Variants in HOGA1 observed in about 807,000 individuals in gnomAD.
HOGA1 encodes 4-hydroxy-2-oxoglutarate aldolase, mitochondrial.
A neutral mutation model predicts 34.3 loss-of-function variants in HOGA1; 30 were observed. That is an observed-to-expected ratio of 0.87 (90% CI 0.65 to 1.19). The LOEUF is 1.19. Among genes scored for constraint, HOGA1 ranks in the 50% most tolerant of loss-of-function variants. The pLI is 0.00. For missense variants in HOGA1, 417 were observed against 436.5 expected (o/e 0.96, Z 0.40); for synonymous variants, 161 against 174.0 (o/e 0.93, Z 0.59).
At chr10:97,592,829 G>A (rs1034263235) in intron 1 of HOGA1, among the ~76,000 whole-genome samples, 2 of 151,728 alleles carry the variant, frequency 1.3e-5, no homozygotes, top group Non-Finnish European at 2.9e-5. Flanking sequence ...AGGAGTTTGT[G>A]AGACCAGCCT....
At chr10:97,593,487 T>C (rs1247125885) in intron 1 of HOGA1, among the ~76,000 whole-genome samples, 9 of 150,956 alleles carry the variant, frequency 6.0e-5, no homozygotes, top group Non-Finnish European at 4.4e-5. Flanking sequence ...AAAAAAAACA[T>C]AAAAAAGAAA....
intron 3 of HOGA1, 49 bp downstream of exon 3, chr10:97,599,265 G>A: frequency 1.2e-6 from 2 of 1,610,570 alleles, no homozygotes; most frequent in South Asian, 1.1e-5. Context: ...AGGGAGAGGA[G>A]ATAAGGGAAG....
rs538571413 is a variant in HOGA1, at chr10:97,590,628, G to A, written c.211+5714G>A. 17 of 1,542,592 alleles carry A rather than the reference G, an allele frequency of 1.1e-5. No homozygotes were observed. The East Asian group carries it at 2.0e-4, about 18-fold the overall frequency. On this transcript the variant is annotated intron_variant, in intron 1 of 6. Transcript: ENST00000370646. ...ATGGAGACGCCCCTGCCCCCAGCAAGGCTGGCTCACACACACGTCTGTTTT... is the reference window on the plus strand; with the variant it reads ...ATGGAGACGCCCCTGCCCCCAGCAAAGCTGGCTCACACACACGTCTGTTTT...
chr10:97,593,479 A>G (rs2041044850), intron 1 of HOGA1, among the ~76,000 whole-genome samples: 1 of 152,194 alleles, frequency 6.6e-6, no homozygotes, highest in African/African-American at 2.4e-5. Context: ...TCTGTCTCAA[A>G]AAAAACATAA....
chr10:97,590,162 C>G, intron 1 of HOGA1: 1 of 1,614,120 alleles, frequency 6.2e-7, no homozygotes, highest in Non-Finnish European at 8.5e-7. Flanking sequence ...GGGCTCCGCT[C>G]TGCACCGGGA....
In HOGA1 at chr10:97,590,735, A is replaced by T. The variant is rs958292488; in HGVS notation, c.211+5821A>T. 5.4e-5 allele frequency: 36 copies of T among 671,002 alleles called. 1 individual carries two copies. The Admixed American group carries it at 8.8e-4, about 16-fold the overall frequency. 41.6% of individuals were successfully genotyped at this position (671,002 alleles called of 1,614,324 possible). ...CTTTCTTAGGCTCCTCACGGGGATT[A>T]TGGGCTCTTTAAACTCCATGAGTGG... On this transcript the variant is annotated intron_variant, in intron 1 of 6. Coordinates refer to ENST00000370646, the MANE Select transcript of HOGA1 (RefSeq NM_138413.4).
intron 6 of HOGA1, among the ~76,000 whole-genome samples, chr10:97,607,936 T>C (rs954375107): frequency 1.3e-5 from 2 of 152,216 alleles, no homozygotes; most frequent in Non-Finnish European, 2.9e-5. Flanking sequence ...TTTATTATAA[T>C]TTTATTTTCC....
At chr10:97,600,275 G>A in intron 5 of HOGA1, 112 bp downstream of exon 5, 1 of 893,404 alleles carries the variant, frequency 1.1e-6, no homozygotes, top group Non-Finnish European at 1.9e-6. Context: ...ATGGTAGTTT[G>A]CCAGCCTGCC....
Position 97,611,736 on chromosome 10 carries a change from CA to C in HOGA1, c.*78del, listed in dbSNP as rs2041197934. 1 of 1,520,558 alleles carries C rather than the reference CA, an allele frequency of 6.6e-7. No individual in the cohort carries two copies. Among genetic ancestry groups the C allele is most frequent in the African/African-American group, 1.4e-5 (1 of 73,478 alleles). 94.2% of individuals were successfully genotyped at this position (1,520,558 alleles called of 1,614,324 possible). A position where few individuals can be genotyped will look rare whatever the true frequency, so the allele number is the denominator to read the frequency against. ...CACTTGCAGCCTGAAGCGGAGAGCA[CA>C]GGGGGATGAGGGTGGCAGGCAGCGG... On this transcript the variant is annotated 3_prime_UTR_variant, in exon 7 of 7. Transcript: ENST00000370646.
chr10:97,611,559 T>C lies in HOGA1; in HGVS notation c.884T>C (p.Phe295Ser), dbSNP rs772774341. The C allele has an allele frequency of 6.2e-7, 1 of 1,614,242 alleles. No individual in the cohort carries two copies. The highest frequency in any genetic ancestry group is 8.5e-7 in the Non-Finnish European group (1 of 1,180,026). The change falls in exon 7 of 7, where the codon TTT (phenylalanine) becomes TCT (serine). Residue 295 changes from phenylalanine (F) to serine (S), a missense_variant. Physicochemically the swap from Phe to Ser is radical, Grantham distance 155. Transcript: ENST00000370646. The part of the protein sequence containing the change: ...IPGLKKIMDW[F>S]GYYGGPCRAP... ...GGGCTGAAGAAAATCATGGACTGGTTTGGCTACTATGGAGGCCCCTGCCGC... is the reference window on the plus strand; with the variant it reads ...GGGCTGAAGAAAATCATGGACTGGTCTGGCTACTATGGAGGCCCCTGCCGC...
At chr10:97,590,756 A>G in intron 1 of HOGA1, 1 of 632,936 alleles carries the variant, frequency 1.6e-6, no homozygotes, top group East Asian at 2.8e-5. Context: ...AAACTCCATG[A>G]GTGGGGTCTG....
chr10:97,595,646 G>T (rs889002289), intron 1 of HOGA1, among the ~76,000 whole-genome samples: 1 of 152,210 alleles, frequency 6.6e-6, no homozygotes, highest in Admixed American at 6.5e-5. Context: ...AGTGAGCCGA[G>T]GTCGCACCAC....
chr10:97,590,722 C>T (rs2041015151), intron 1 of HOGA1: 6 of 706,070 alleles, frequency 8.5e-6, no homozygotes, highest in Non-Finnish European at 9.6e-6. Context: ...TTCTTAGGCT[C>T]CTCACGGGGA....
chr10:97,601,335 G>A (rs144439646), intron 5 of HOGA1, among the ~76,000 whole-genome samples: 3 of 152,186 alleles, frequency 2.0e-5, no homozygotes, highest in African/African-American at 7.2e-5. Context: ...GGACTAGAGA[G>A]GGTCTCATTC....
intron 1 of HOGA1, chr10:97,590,689 G>T: frequency 1.1e-6 from 1 of 939,678 alleles, no homozygotes; most frequent in Non-Finnish European, 1.6e-6. Context: ...GCCAGGGTGA[G>T]ATGCTGTGCC....
rs1337095434 is a variant in HOGA1, at chr10:97,601,915, G to A, written c.759G>A (p.Leu253=). 1 of 1,612,914 alleles carries A rather than the reference G, an allele frequency of 6.2e-7. No homozygotes were observed. Among genetic ancestry groups the A allele is most frequent in the African/African-American group, 1.3e-5 (1 of 74,894 alleles). Residue 253 remains leucine, a synonymous_variant, in exon 6 of 7, where the codon CTG becomes CTA. Coordinates refer to ENST00000370646, the MANE Select transcript of HOGA1 (RefSeq NM_138413.4). ...TCCTGGGGGCTCAGGTGTGCCAGCT[G>A]GAGCGACTGTGCTGCACGGGGCAAT... is the stretch of plus-strand genomic sequence containing the variant. ...ANVLGAQVCQ[L]ERLCCTGQWE... is the part of the protein sequence containing the mutation.
Position 97,599,745 on chromosome 10 carries a change from G to A in HOGA1, c.534G>A (p.Leu178=). 6.2e-7 allele frequency: 1 copy of A among 1,614,226 alleles called. No homozygotes were observed. Among genetic ancestry groups the A allele is most frequent in the Non-Finnish European group, 8.5e-7 (1 of 1,180,040 alleles). ...TCCCAGCCAACACAGGGCTGGACCT[G>A]CCTGTGGATGCAGTGGTCACGCTTT... is the stretch of plus-strand genomic sequence containing the variant. ...YSVPANTGLD[L]PVDAVVTLSQ... The change falls in exon 4 of 7, where the codon CTG becomes CTA. Residue 178 remains leucine (L), a synonymous_variant. Coordinates refer to ENST00000370646, the MANE Select transcript of HOGA1 (RefSeq NM_138413.4).
chr10:97,595,438 T>C (rs556987165), intron 1 of HOGA1, among the ~76,000 whole-genome samples: 3 of 152,322 alleles, frequency 2.0e-5, no homozygotes, highest in East Asian at 3.9e-4. Context: ...CTCATGCCCA[T>C]AATCCCCAGC....
At chr10:97,588,200 T>C (rs1357217992) in intron 1 of HOGA1, among the ~76,000 whole-genome samples, 1 of 47,618 alleles carries the variant, frequency 2.1e-5, no homozygotes, top group Non-Finnish European at 6.1e-5. Flanking sequence ...TTTTTCTTTC[T>C]TTTTTTTTTT....
Sources: gnomAD v4.1 joint callset for allele counts (sites outside exome capture counted in the v4.1 genomes callset) on GRCh38, gnomAD v4.1.1 for gene constraint, MANE v1.5 for transcripts, NCBI Gene and HGNC (gene_info 2026-07-23, HGNC 2026-07-21) for gene names.